The following KAT6A variants were observed in gnomAD, a reference collection of about 807,000 sequenced individuals.
KAT6A encodes histone acetyltransferase KAT6A.
A neutral mutation model predicts 198.4 loss-of-function variants in KAT6A; 9 were observed. That is an observed-to-expected ratio of 0.05 (90% CI 0.03 to 0.08). The LOEUF is 0.08. KAT6A is among the 10% of genes least tolerant of loss of function. KAT6A has a pLI of 1.00. For synonymous variants in KAT6A, 890 were observed against 883.0 expected, an observed-to-expected ratio of 1.01 and a Z score of -0.14; for missense variants, 2,077 against 2,509.9, an observed-to-expected ratio of 0.83 and a Z score of 3.69.
intron 3 of KAT6A, among the ~76,000 whole-genome samples, chr8:41,985,640 G>A (rs2150892249): frequency 6.6e-6 from 1 of 152,264 alleles, no homozygotes; most frequent in Middle Eastern, 3.4e-3. Context: ...CCCCCTGCTT[G>A]CACCTCTTCC....
intron 11 of KAT6A, 130 bp downstream of exon 11, chr8:41,947,618 CCTT>C (rs1275137724): frequency 1.5e-6 from 1 of 664,660 alleles, no homozygotes; most frequent in African/African-American, 1.9e-5. Context: ...TCCAAATGTT[CCTT>C]CTATTCTTTC....
At chr8:42,046,931 T>C (rs560219632) in intron 2 of KAT6A, among the ~76,000 whole-genome samples, 8 of 152,292 alleles carry the variant, frequency 5.3e-5, no homozygotes, top group East Asian at 1.9e-4. Flanking sequence ...ACAGGGAAAA[T>C]TGAACCCTGA....
chr8:41,978,550 G>T, intron 6 of KAT6A, 92 bp downstream of exon 6: 1 of 1,336,968 alleles, frequency 7.5e-7, no homozygotes, highest in South Asian at 1.4e-5. Flanking sequence ...ATATGACAAT[G>T]GAATTTTTTT....
intron 2 of KAT6A, among the ~76,000 whole-genome samples, chr8:42,012,832 T>G (rs1385145021): frequency 6.6e-6 from 1 of 152,136 alleles, no homozygotes; most frequent in African/African-American, 2.4e-5. Flanking sequence ...GGGGAAGAGA[T>G]AAACAAACTA....
At chr8:42,000,572 A>G (rs1346224695) in intron 2 of KAT6A, among the ~76,000 whole-genome samples, 1 of 152,188 alleles carries the variant, frequency 6.6e-6, no homozygotes, top group Non-Finnish European at 1.5e-5. Flanking sequence ...AGAAAAAAAA[A>G]AGAAAAAAAA....
chr8:41,943,113 A>G (rs1360957479), intron 13 of KAT6A, 113 bp from the exon 14 acceptor site: 4 of 1,362,382 alleles, frequency 2.9e-6, no homozygotes, highest in Admixed American at 2.1e-5. Context: ...CTGCAAAGAT[A>G]GCCTGCCTGG....
chr8:41,962,520 C>T (rs1268742700), intron 8 of KAT6A, among the ~76,000 whole-genome samples: 1 of 151,986 alleles, frequency 6.6e-6, no homozygotes, highest in Non-Finnish European at 1.5e-5. Context: ...CCAATTCCAC[C>T]ACTACCACCA....
intron 8 of KAT6A, among the ~76,000 whole-genome samples, chr8:41,960,506 CAA>C (rs71548553): frequency 1.5e-4 from 13 of 85,172 alleles, no homozygotes; most frequent in African/African-American, 3.3e-4. Flanking sequence ...GACTCCGTCT[CAA>C]AAAAAAAAAA....
At position 41,930,054 on chromosome 8, in the gene KAT6A, ACT is replaced by A. The variant is rs1821448402; in HGVS notation, c.*2149_*2150del. ...AATTTCTTTTATAATATAGAAAAGA[ACT>A]TTTTTTTTCTACAATAGTTCTACAG... is the stretch of plus-strand genomic sequence containing the variant. On this transcript the variant is annotated 3_prime_UTR_variant, in exon 17 of 17. Coordinates refer to ENST00000265713, the MANE Select transcript of KAT6A (RefSeq NM_006766.5). 1 of 228,574 alleles carries A rather than the reference ACT, an allele frequency of 4.4e-6. No homozygotes were observed. 14.2% of individuals were successfully genotyped at this position (228,574 alleles called of 1,614,324 possible). A position where few individuals can be genotyped will look rare whatever the true frequency, so the allele number is the denominator to read the frequency against.
Position 41,934,697 on chromosome 8 carries a change from A to G in KAT6A, c.3523T>C (p.Leu1175=), listed in dbSNP as rs1436133233. 6.2e-7 allele frequency: 1 copy of G among 1,614,164 alleles called. No individual in the cohort carries two copies. The highest frequency in any genetic ancestry group is 8.5e-7 in the Non-Finnish European group (1 of 1,180,036). Residue 1175 remains leucine, a synonymous_variant, in exon 17 of 17, where the codon TTG becomes CTG. Transcript: ENST00000265713. Reference sequence around the variant, plus strand: ...GAAACTGGCATGATTTCCCGACTCAACTTAAATCCTGGTTTTCGACCAGGT... The same window carrying G: ...GAAACTGGCATGATTTCCCGACTCAGCTTAAATCCTGGTTTTCGACCAGGT... ...KRPGRKPGFK[L]SREIMPVSTQ...
chr8:41,974,704 C>T lies in KAT6A; in HGVS notation c.1482G>A (p.Gln494=). 1 of 1,574,398 alleles carries T rather than the reference C, an allele frequency of 6.4e-7. No homozygotes were observed. Among genetic ancestry groups the T allele is most frequent in the Non-Finnish European group, 8.7e-7 (1 of 1,146,866 alleles). The change falls in exon 8 of 17, where the codon CAG becomes CAA. Residue 494 remains glutamine (Q), a splice_region_variant and synonymous_variant. Coordinates refer to ENST00000265713, the MANE Select transcript of KAT6A (RefSeq NM_006766.5). ...LFRDIQEQAL[Q]KVGVTGPPDP... ...GTCTAACCTGAATATCCAACTTTACCTGCAGTGCTTGTTCTTGGATATCAC... is the reference window on the plus strand; with the variant it reads ...GTCTAACCTGAATATCCAACTTTACTTGCAGTGCTTGTTCTTGGATATCAC...
chr8:41,951,217 A>G (rs1420692046), intron 9 of KAT6A, among the ~76,000 whole-genome samples: 2 of 152,092 alleles, frequency 1.3e-5, no homozygotes, highest in Non-Finnish European at 2.9e-5. Context: ...TGTGAAAAAT[A>G]GTAAACTGAA....
chr8:41,933,172 GGCTGCT>G lies in KAT6A; in HGVS notation c.5042_5047del (p.Gln1681_Gln1682del). 6.3e-7 allele frequency: 1 copy of G among 1,592,500 alleles called. No homozygotes were observed. On this transcript the variant is annotated inframe_deletion, in exon 17 of 17. Coordinates refer to ENST00000265713, the MANE Select transcript of KAT6A (RefSeq NM_006766.5). This position sits in a 1 kb window ranked among gnomAD's most constrained non-coding sequence, Gnocchi z 6.2. ...TGGAGGCTGCTGGGGCTGAGGCTGC[GGCTGCT>G]GTTGCGGCTGCTGCTGGGGTGGTGG...
intron 8 of KAT6A, among the ~76,000 whole-genome samples, chr8:41,971,420 A>C (rs897218426): frequency 6.6e-6 from 1 of 152,110 alleles, no homozygotes; most frequent in Non-Finnish European, 1.5e-5. Context: ...TGAACCTACT[A>C]AATCATCGAC....
At chr8:41,978,287 A>G (rs1308238710) in intron 6 of KAT6A, among the ~76,000 whole-genome samples, 4 of 152,230 alleles carry the variant, frequency 2.6e-5, no homozygotes, top group South Asian at 2.1e-4. Flanking sequence ...CTGTTTTTAT[A>G]TAAGAGAAGC....
chr8:42,044,608 A>C (rs913516919), intron 2 of KAT6A, among the ~76,000 whole-genome samples: 1 of 152,170 alleles, frequency 6.6e-6, no homozygotes, highest in Non-Finnish European at 1.5e-5. Flanking sequence ...AAAAAACAAA[A>C]AGTTAGAATT....
chr8:42,036,169 A>T lies in KAT6A; in HGVS notation c.600+12209T>A, dbSNP rs568413853. Among the ~76,000 whole-genome samples the T allele has an allele frequency of 2.0e-5, 3 of 152,028 alleles. No individual in the cohort carries two copies. In the South Asian group the frequency reaches 6.2e-4, roughly 32 times the overall value. ...TATGGGAGTATCTACTGAAAATGAG[A>T]AAAAAAGGTGGGAAGAAATACTGAA... On this transcript the variant is annotated intron_variant, in intron 2 of 16. Transcript: ENST00000265713.
At position 42,022,892 on chromosome 8, in the gene KAT6A, T is replaced by A. The variant is rs373424306; in HGVS notation, c.600+25486A>T. 1.5e-4 allele frequency among the ~76,000 whole-genome samples: 23 copies of A among 152,364 alleles called. 1 individual carries two copies. Among genetic ancestry groups the A allele is most frequent in the African/African-American group, 5.5e-4 (23 of 41,584 alleles). ...TAATGTACTGATATGAAACATCCTT[T>A]AAGATACAGTCATGTGTCGCTTAAT... On this transcript the variant is annotated intron_variant, in intron 2 of 16. Transcript: ENST00000265713.
chr8:42,018,976 G>A lies in KAT6A; in HGVS notation c.600+29402C>T, dbSNP rs117113965. Among the ~76,000 whole-genome samples the A allele has an allele frequency of 3.8e-3, 579 of 152,150 alleles. 1 individual carries two copies. The highest frequency in any genetic ancestry group is 0.015 in the South Asian group (71 of 4,830). On this transcript the variant is annotated intron_variant, in intron 2 of 16. Transcript: ENST00000265713. Reference sequence around the variant, plus strand: ...AAAAACCATGTAGAACAAGTTGTTCGGTGCTTAAACTGAAACGGATGAATT... The same window carrying A: ...AAAAACCATGTAGAACAAGTTGTTCAGTGCTTAAACTGAAACGGATGAATT...
Sources: allele counts gnomAD v4.1 joint callset (sites outside exome capture counted in the v4.1 genomes callset), GRCh38; gene constraint gnomAD v4.1.1; non-coding constraint Gnocchi (gnomAD v3.1); transcripts MANE v1.5; gene names NCBI Gene and HGNC (gene_info 2026-07-23, HGNC 2026-07-21).